Variants in ARHGAP42 observed in about 807,000 individuals in gnomAD.
ARHGAP42 encodes Rho GTPase activating protein 42.
Under a neutral mutation model 125.0 loss-of-function variants are expected in ARHGAP42, and 63 were observed. The observed-to-expected ratio is 0.50, with a 90% CI of 0.41 to 0.62. ARHGAP42 has a LOEUF of 0.62. ARHGAP42 is among the 20% of genes least tolerant of loss of function. ARHGAP42 has a pLI of 0.00. For missense variants in ARHGAP42, 766 were observed against 1,024.2 expected, an observed-to-expected ratio of 0.75 and a Z score of 3.44; for synonymous variants, 339 against 351.0, an observed-to-expected ratio of 0.97 and a Z score of 0.38.
intron 23 of ARHGAP42, among the ~76,000 whole-genome samples, chr11:100,988,031 G>C (rs7933200): frequency 6.6e-6 from 1 of 152,148 alleles, no homozygotes; most frequent in Non-Finnish European, 1.5e-5. Flanking sequence ...TGGAGGCTGA[G>C]GCAGGAGAAT....
intron 2 of ARHGAP42, among the ~76,000 whole-genome samples, chr11:100,790,266 G>A (rs1049287732): frequency 2.0e-5 from 3 of 151,996 alleles, no homozygotes; most frequent in Admixed American, 6.6e-5. Flanking sequence ...CTTCCTCACT[G>A]TCTAGGTATG....
At chr11:100,947,553 C>T (rs1272187634) in intron 10 of ARHGAP42, among the ~76,000 whole-genome samples, 2 of 151,894 alleles carry the variant, frequency 1.3e-5, no homozygotes, top group Non-Finnish European at 2.9e-5. Flanking sequence ...CAGTGCCTGT[C>T]ACATAGTAAA....
chr11:100,808,700 C>T (rs973266421), intron 3 of ARHGAP42, among the ~76,000 whole-genome samples: 10 of 152,198 alleles, frequency 6.6e-5, no homozygotes, highest in African/African-American at 1.9e-4. Flanking sequence ...CCACCGCGCC[C>T]GGCCAAATTC....
At chr11:100,721,693 C>G (rs1414999505) in intron 1 of ARHGAP42, among the ~76,000 whole-genome samples, 1 of 151,964 alleles carries the variant, frequency 6.6e-6, no homozygotes, top group Non-Finnish European at 1.5e-5. Context: ...AGGGTGGTCT[C>G]GAGCTCCTGA....
chr11:100,869,638 T>C (rs921204885), intron 4 of ARHGAP42, among the ~76,000 whole-genome samples: 5 of 152,144 alleles, frequency 3.3e-5, no homozygotes, highest in Admixed American at 3.3e-4. Flanking sequence ...GTTAGAATTG[T>C]AGATAGGAAC....
intron 4 of ARHGAP42, among the ~76,000 whole-genome samples, chr11:100,890,410 G>A (rs1866189598): frequency 6.6e-6 from 1 of 152,120 alleles, no homozygotes; most frequent in East Asian, 1.9e-4. Context: ...TATGTTTTAA[G>A]AAATGTACTA....
At chr11:100,727,981 G>A (rs1163950438) in intron 1 of ARHGAP42, among the ~76,000 whole-genome samples, 1 of 152,128 alleles carries the variant, frequency 6.6e-6, no homozygotes, top group Non-Finnish European at 1.5e-5. Context: ...TGGGGTCTGT[G>A]CTAAACCTGG....
intron 5 of ARHGAP42, among the ~76,000 whole-genome samples, chr11:100,917,021 G>C (rs652675): frequency 1.9e-4 from 2 of 10,384 alleles, no homozygotes; most frequent in African/African-American, 9.1e-4. Flanking sequence ...AAGTTTGTGT[G>C]TGTGTGTGTG....
chr11:100,889,821 T>A (rs536787072), intron 4 of ARHGAP42, among the ~76,000 whole-genome samples: 1 of 152,326 alleles, frequency 6.6e-6, no homozygotes, highest in Non-Finnish European at 1.5e-5. Context: ...GGGCTCGTGC[T>A]GGTTTTCTTA....
intron 4 of ARHGAP42, among the ~76,000 whole-genome samples, chr11:100,898,740 T>G (rs1430975695): frequency 3.3e-5 from 5 of 152,178 alleles, no homozygotes; most frequent in African/African-American, 1.2e-4. Context: ...CCTTTCTTCT[T>G]TATTAGTCTT....
intron 3 of ARHGAP42, among the ~76,000 whole-genome samples, chr11:100,806,602 A>T (rs1176619271): frequency 6.6e-6 from 1 of 151,834 alleles, no homozygotes; most frequent in Non-Finnish European, 1.5e-5. Context: ...AAATTAAAAA[A>T]AATAATAATA....
chr11:100,770,311 T>G, intron 1 of ARHGAP42, 32 bp from the exon 2 acceptor site: 3 of 1,443,602 alleles, frequency 2.1e-6, no homozygotes, highest in Non-Finnish European at 2.8e-6. Flanking sequence ...GAACCTCACC[T>G]TATGGATTTT....
At chr11:100,838,977 T>G (rs1864880041) in intron 3 of ARHGAP42, among the ~76,000 whole-genome samples, 1 of 152,196 alleles carries the variant, frequency 6.6e-6, no homozygotes, top group South Asian at 2.1e-4. Flanking sequence ...AATGAAATTA[T>G]AACTTTTTTT....
chr11:100,848,408 G>T (rs932027536), intron 3 of ARHGAP42, among the ~76,000 whole-genome samples: 2 of 152,104 alleles, frequency 1.3e-5, no homozygotes, highest in African/African-American at 4.8e-5. Context: ...TTGGGGACCG[G>T]GTTAACATGG....
intron 14 of ARHGAP42, 35 bp downstream of exon 14, chr11:100,961,024 G>A: frequency 6.9e-7 from 1 of 1,449,282 alleles, no homozygotes; most frequent in Non-Finnish European, 9.3e-7. Flanking sequence ...CATAATTTTT[G>A]TGTTCTTATA....
chr11:100,724,254 C>T (rs1434701613), intron 1 of ARHGAP42, among the ~76,000 whole-genome samples: 1 of 151,956 alleles, frequency 6.6e-6, no homozygotes, highest in Non-Finnish European at 1.5e-5. Context: ...TTTCTATGTT[C>T]GTGGGAGATA....
chr11:100,950,075 C>T, intron 12 of ARHGAP42, 119 bp downstream of exon 12: 1 of 454,524 alleles, frequency 2.2e-6, no homozygotes, highest in Admixed American at 4.7e-5. Context: ...CATGGTACAG[C>T]AACTTTGAAA....
At chr11:100,715,128 G>A (rs1460911363) in intron 1 of ARHGAP42, among the ~76,000 whole-genome samples, 5 of 148,474 alleles carry the variant, frequency 3.4e-5, no homozygotes, top group Non-Finnish European at 6.0e-5. Context: ...CCCTTGTGTA[G>A]TTTTTTAGCT....
chr11:100,915,916 A>G (rs1867049198), intron 5 of ARHGAP42, among the ~76,000 whole-genome samples: 1 of 152,148 alleles, frequency 6.6e-6, no homozygotes, highest in African/African-American at 2.4e-5. Context: ...TCATAAACAT[A>G]TTTAATTCTG....
Sources: allele counts gnomAD v4.1 joint callset (sites outside exome capture counted in the v4.1 genomes callset), GRCh38; gene constraint gnomAD v4.1.1; transcripts MANE v1.5; gene names NCBI Gene and HGNC (gene_info 2026-07-23, HGNC 2026-07-21).